EXOC6B: variants seen among roughly 807,000 people sequenced by gnomAD.
The protein encoded by EXOC6B is exocyst complex component 6B.
Under a neutral mutation model 113.5 loss-of-function variants are expected in EXOC6B, and 54 were observed. That is an observed-to-expected ratio of 0.48 (90% CI 0.38 to 0.60). The LOEUF (loss-of-function observed/expected upper bound fraction) is 0.60, where lower values mean the gene tolerates loss of function less well. EXOC6B is among the 20% of genes least tolerant of loss of function. The pLI is 0.00. For synonymous variants in EXOC6B, 357 were observed against 339.0 expected, an observed-to-expected ratio of 1.05 and a Z score of -0.58; for missense variants, 797 against 977.5, an observed-to-expected ratio of 0.82 and a Z score of 2.46.
At chr2:72,521,789 C>T (rs1440449021) in intron 8 of EXOC6B, among the ~76,000 whole-genome samples, 4 of 152,120 alleles carry the variant, frequency 2.6e-5, no homozygotes, top group African/African-American at 4.8e-5. Flanking sequence ...CTCCGCCTCC[C>T]GGGTTCAAGC....
chr2:72,401,494 C>CATATAT (rs1170388566), intron 18 of EXOC6B, among the ~76,000 whole-genome samples: 1 of 59,644 alleles, frequency 1.7e-5, no homozygotes, highest in Non-Finnish European at 2.9e-5. Context: ...ATTTTATATA[C>CATATAT]ATATATATAT....
At chr2:72,373,053 GTCTC>G (rs1691133017) in intron 19 of EXOC6B, among the ~76,000 whole-genome samples, 1 of 150,878 alleles carries the variant, frequency 6.6e-6, no homozygotes, top group Non-Finnish European at 1.5e-5. Flanking sequence ...CAGGATATCA[GTCTC>G]GGAAGACTTT....
At chr2:72,485,191 C>A (rs572984087) in intron 16 of EXOC6B, among the ~76,000 whole-genome samples, 1 of 152,324 alleles carries the variant, frequency 6.6e-6, no homozygotes, top group South Asian at 2.1e-4. Context: ...TCTTGACAAA[C>A]CCCAGAAAAT....
At chr2:72,255,160 G>A (rs777296540) in intron 20 of EXOC6B, among the ~76,000 whole-genome samples, 3 of 152,110 alleles carry the variant, frequency 2.0e-5, no homozygotes, top group East Asian at 1.9e-4. Context: ...GGGGTTATCC[G>A]GTAAAGATCA....
intron 6 of EXOC6B, among the ~76,000 whole-genome samples, chr2:72,661,337 G>A (rs1206838808): frequency 3.5e-5 from 5 of 141,096 alleles, no homozygotes; most frequent in Admixed American, 7.3e-5. Context: ...CACAGATAAC[G>A]TAATTATCCA....
chr2:72,250,110 T>C (rs530548877), intron 20 of EXOC6B, among the ~76,000 whole-genome samples: 151 of 152,228 alleles, frequency 9.9e-4, no homozygotes, highest in Non-Finnish European at 2.0e-3. Context: ...AAATCTTTCA[T>C]GCAGAATGTA....
intron 6 of EXOC6B, among the ~76,000 whole-genome samples, chr2:72,615,303 G>T (rs1231733424): frequency 6.6e-6 from 1 of 151,902 alleles, no homozygotes; most frequent in African/African-American, 2.4e-5. Context: ...CAACTTTCAG[G>T]TCATGAATCT....
intron 1 of EXOC6B, among the ~76,000 whole-genome samples, chr2:72,751,625 T>C (rs1682049732): frequency 6.6e-6 from 1 of 152,052 alleles, no homozygotes; most frequent in Non-Finnish European, 1.5e-5. Flanking sequence ...ATAGAACTTT[T>C]AGAATAAAAA....
intron 19 of EXOC6B, among the ~76,000 whole-genome samples, chr2:72,370,770 C>T (rs1457000798): frequency 6.6e-6 from 1 of 151,682 alleles, no homozygotes; most frequent in Admixed American, 6.6e-5. Context: ...GGACAAAAAA[C>T]CAAACACCGC....
At chr2:72,370,904 C>G (rs983743844) in intron 19 of EXOC6B, among the ~76,000 whole-genome samples, 1 of 151,818 alleles carries the variant, frequency 6.6e-6, no homozygotes, top group African/African-American at 2.4e-5. Context: ...ATGTAAATGA[C>G]AAGTTAATGG....
chr2:72,385,635 A>C (rs752923914), intron 18 of EXOC6B, among the ~76,000 whole-genome samples: 2 of 152,108 alleles, frequency 1.3e-5, no homozygotes, highest in African/African-American at 2.4e-5. Flanking sequence ...TTAACATCCA[A>C]ACTATATAAG....
intron 5 of EXOC6B, among the ~76,000 whole-genome samples, chr2:72,723,089 C>T (rs1680106620): frequency 6.6e-6 from 1 of 151,988 alleles, no homozygotes; most frequent in African/African-American, 2.4e-5. Context: ...GAATGATAGC[C>T]AACTAACACC....
At chr2:72,249,965 C>T (rs1682904870) in intron 20 of EXOC6B, among the ~76,000 whole-genome samples, 1 of 152,144 alleles carries the variant, frequency 6.6e-6, no homozygotes, top group Non-Finnish European at 1.5e-5. Context: ...CTGATTTACT[C>T]ATTAGAATGT....
chr2:72,197,805 T>C (rs146948127), intron 20 of EXOC6B, among the ~76,000 whole-genome samples: 1 of 152,230 alleles, frequency 6.6e-6, no homozygotes, highest in African/African-American at 2.4e-5. Flanking sequence ...TATAAATGAA[T>C]GAATCAGGCA....
At position 72,623,794 on chromosome 2, in the gene EXOC6B, C is replaced by G. The variant is rs189344114; in HGVS notation, c.670-48126G>C. Among the ~76,000 whole-genome samples the G allele has an allele frequency of 2.2e-4, 33 of 152,244 alleles. No individual in the cohort carries two copies. In the East Asian group the frequency reaches 4.6e-3, roughly 21 times the overall value. The stretch of plus-strand genomic sequence containing the variant: ...TTTTACTCTTACAGCCTCCACATCC[C>G]CATACTGCCAAAAAGCAACACAACT... On this transcript the variant is annotated intron_variant, in intron 6 of 21. Coordinates refer to ENST00000272427, the MANE Select transcript of EXOC6B (RefSeq NM_015189.3).
chr2:72,415,828 T>C (rs1438255189), intron 18 of EXOC6B, among the ~76,000 whole-genome samples: 1 of 152,212 alleles, frequency 6.6e-6, no homozygotes, highest in Non-Finnish European at 1.5e-5. Flanking sequence ...TTTATTTACA[T>C]TATATCTTCA....
At chr2:72,524,218 T>C (rs1037757681) in intron 8 of EXOC6B, among the ~76,000 whole-genome samples, 1 of 151,780 alleles carries the variant, frequency 6.6e-6, no homozygotes, top group African/African-American at 2.4e-5. Flanking sequence ...GGGGAGTACT[T>C]TTCATACAGC....
At chr2:72,737,713 G>A (rs1341093272) in intron 2 of EXOC6B, among the ~76,000 whole-genome samples, 2 of 152,026 alleles carry the variant, frequency 1.3e-5, no homozygotes, top group African/African-American at 2.4e-5. Context: ...AATTAGCCAG[G>A]CATGGTGGTG....
chr2:72,652,175 C>A (rs1246042094), intron 6 of EXOC6B, among the ~76,000 whole-genome samples: 1 of 151,570 alleles, frequency 6.6e-6, no homozygotes, highest in Admixed American at 6.6e-5. Flanking sequence ...ATTCCACCCT[C>A]CTCCCCACAA....
Sources: gnomAD v4.1 joint callset for allele counts (sites outside exome capture counted in the v4.1 genomes callset) on GRCh38, gnomAD v4.1.1 for gene constraint, MANE v1.5 for transcripts, NCBI Gene and HGNC (gene_info 2026-07-23, HGNC 2026-07-21) for gene names.